ITGB3BP: variants seen among roughly 807,000 people sequenced by gnomAD.
ITGB3BP encodes the protein integrin subunit beta 3 binding protein.
A neutral mutation model predicts 29.1 loss-of-function variants in ITGB3BP; 27 were observed. The observed-to-expected ratio is 0.93, with a 90% CI of 0.68 to 1.28. The LOEUF (loss-of-function observed/expected upper bound fraction) is 1.28, where lower values mean the gene tolerates loss of function less well. Among genes scored for constraint, ITGB3BP ranks in the 50% most tolerant of loss-of-function variants. The pLI, the probability that ITGB3BP is intolerant of heterozygous loss-of-function variation, is 0.00. For missense variants in ITGB3BP, 192 were observed against 200.2 expected (o/e 0.96, Z 0.25); for synonymous variants, 61 against 61.4 (o/e 0.99, Z 0.03).
intron 1 of ITGB3BP, chr1:63,510,118 A>T (rs1376848388): frequency 1.6e-6 from 1 of 636,740 alleles, no homozygotes; most frequent in Non-Finnish European, 2.9e-6. Context: ...TGAACGCGGG[A>T]AGCAGATGTT....
intron 3 of ITGB3BP, among the ~76,000 whole-genome samples, chr1:63,481,964 T>A (rs935464658): frequency 5.9e-5 from 9 of 152,130 alleles, no homozygotes; most frequent in African/African-American, 2.2e-4. Flanking sequence ...TTAACCATGA[T>A]GCAATGCTTA....
chr1:63,476,338 A>G (rs1039317854), intron 4 of ITGB3BP, among the ~76,000 whole-genome samples: 4 of 151,884 alleles, frequency 2.6e-5, no homozygotes, highest in African/African-American at 9.7e-5. Flanking sequence ...TAATTTTTGT[A>G]TTTTTAGTAG....
At chr1:63,504,789 T>G (rs1313686939) in intron 2 of ITGB3BP, among the ~76,000 whole-genome samples, 1 of 152,222 alleles carries the variant, frequency 6.6e-6, no homozygotes, top group Non-Finnish European at 1.5e-5. Context: ...TTGTCGTTGG[T>G]TCTGTTTATA....
intron 7 of ITGB3BP, chr1:63,447,596 T>G (rs1397621548): frequency 2.0e-6 from 1 of 499,508 alleles, no homozygotes; most frequent in Admixed American, 2.1e-5. Flanking sequence ...TCACAGAGGT[T>G]GTGACATCTG....
rs1376172033 is a variant in ITGB3BP at position 63,444,319 on chromosome 1, G to T, written c.*1+2487C>A. Among the ~76,000 whole-genome samples, 5 of 151,840 alleles carry T rather than the reference G, an allele frequency of 3.3e-5. No homozygotes were observed. The East Asian group carries it at 9.7e-4, about 29-fold the overall frequency. ...TTACTAAATGTGTAACTGTGACGAT[G>T]TATCTATGATCACCACCTAATATGT... On this transcript the variant is annotated intron_variant, in intron 8 of 8. Transcript: ENST00000271002.
At chr1:63,504,421 T>C (rs1461405942) in intron 2 of ITGB3BP, among the ~76,000 whole-genome samples, 2 of 151,970 alleles carry the variant, frequency 1.3e-5, no homozygotes, top group Non-Finnish European at 2.9e-5. Flanking sequence ...GCTGAGACGA[T>C]GGGGTTTTCT....
intron 3 of ITGB3BP, 28 bp from the exon 4 acceptor site, chr1:63,478,861 ATAAAGT>A (rs772144059): frequency 1.9e-4 from 157 of 808,250 alleles, no homozygotes; most frequent in Non-Finnish European, 1.1e-4. Context: ...AGAAAAGGAC[ATAAAGT>A]TAAAGGAGAA....
chr1:63,452,883 T>C (rs1644881829), intron 7 of ITGB3BP, among the ~76,000 whole-genome samples: 1 of 152,170 alleles, frequency 6.6e-6, no homozygotes, highest in Non-Finnish European at 1.5e-5. Flanking sequence ...CACTGGCTTA[T>C]TAAAGGTTCT....
chr1:63,522,813 C>T (rs7413854), intron 1 of ITGB3BP: 443,015 of 450,796 alleles, frequency 0.98, 218,155 homozygotes, highest in East Asian at 1. Context: ...GGCGTGTTTT[C>T]ATCTACTCTG....
At chr1:63,523,231 G>C (rs1646505259), upstream of ITGB3BP, 1 of 1,553,342 alleles carries the variant, frequency 6.4e-7, no homozygotes. Context: ...GGCATGAAAA[G>C]CGCGCGCTGG....
intron 4 of ITGB3BP, among the ~76,000 whole-genome samples, chr1:63,461,004 C>T (rs775002727): frequency 4.2e-4 from 63 of 149,644 alleles, no homozygotes; most frequent in Non-Finnish European, 8.0e-4. Context: ...CTTTGGGAGG[C>T]TGAGGTGGGC....
intron 2 of ITGB3BP, among the ~76,000 whole-genome samples, chr1:63,500,691 T>C (rs1040818686): frequency 1.3e-5 from 2 of 152,192 alleles, no homozygotes; most frequent in African/African-American, 4.8e-5. Flanking sequence ...CTATTATTGT[T>C]AAGATTGCAA....
chr1:63,521,707 A>G (rs953110743), intron 1 of ITGB3BP, among the ~76,000 whole-genome samples: 2 of 152,096 alleles, frequency 1.3e-5, no homozygotes, highest in Non-Finnish European at 1.5e-5. Flanking sequence ...GTGGGAGCCC[A>G]GGAGGTAGAG....
chr1:63,502,715 C>G (rs1173856136), intron 2 of ITGB3BP, among the ~76,000 whole-genome samples: 1 of 140,730 alleles, frequency 7.1e-6, no homozygotes, highest in Non-Finnish European at 1.5e-5. Context: ...CTTACTGTGT[C>G]CATGTGTTCT....
chr1:63,523,681 C>T (rs1646518377), upstream of ITGB3BP: 1 of 169,824 alleles, frequency 5.9e-6, no homozygotes, highest in African/African-American at 2.4e-5. Context: ...CTCTGTCCCT[C>T]TCTGTGCAGC....
At position 63,497,165 on chromosome 1, in the gene ITGB3BP, T is replaced by G. The variant is rs375916874; in HGVS notation, c.49-6947A>C. 2.3e-3 allele frequency among the ~76,000 whole-genome samples: 354 copies of G among 152,214 alleles called. 1 individual carries two copies. Among genetic ancestry groups the G allele is most frequent in the African/African-American group, 8.2e-3 (342 of 41,520 alleles). On this transcript the variant is annotated intron_variant, in intron 2 of 8. Coordinates refer to ENST00000271002, the MANE Select transcript of ITGB3BP (RefSeq NM_014288.5). ...AAAATTCTTAATTTTTCTAGCCAGG[T>G]GTGGTGGCATGTGCCTGCAGTCCTA...
intron 4 of ITGB3BP, among the ~76,000 whole-genome samples, chr1:63,461,493 T>G (rs1457050922): frequency 6.6e-6 from 1 of 152,188 alleles, no homozygotes; most frequent in Non-Finnish European, 1.5e-5. Flanking sequence ...TATTTTTTCT[T>G]TTGTTCATTG....
intron 2 of ITGB3BP, among the ~76,000 whole-genome samples, chr1:63,504,713 T>C (rs1646029450): frequency 6.6e-6 from 1 of 152,220 alleles, no homozygotes; most frequent in African/African-American, 2.4e-5. Flanking sequence ...TGAGAGTTTT[T>C]AGCATGAAGG....
At position 63,500,543 on chromosome 1, in the gene ITGB3BP, GAATAA is replaced by G. The variant is rs1645901207; in HGVS notation, c.48+7980_48+7984del. On this transcript the variant is annotated intron_variant, in intron 2 of 8. Coordinates refer to ENST00000271002, the MANE Select transcript of ITGB3BP (RefSeq NM_014288.5). ...AGCAATTCCATTAATAGCATAAAAA[GAATAA>G]AATACTTAGGAATAAATTTAATCAG... Among the ~76,000 whole-genome samples, 3 of 152,068 alleles carry G rather than the reference GAATAA, an allele frequency of 2.0e-5. No homozygotes were observed. The South Asian group carries it at 6.2e-4, about 31-fold the overall frequency.
Sources: gnomAD v4.1 joint callset for allele counts (sites outside exome capture counted in the v4.1 genomes callset) on GRCh38, gnomAD v4.1.1 for gene constraint, MANE v1.5 for transcripts, NCBI Gene and HGNC (gene_info 2026-07-23, HGNC 2026-07-21) for gene names.